ZNF676: variants seen among roughly 807,000 people sequenced by gnomAD.
ZNF676 encodes the protein zinc finger protein 676.
A neutral mutation model predicts 6.0 loss-of-function variants in ZNF676; 4 were observed. The observed-to-expected ratio is 0.67, with a 90% CI of 0.33 to 1.53. The LOEUF (loss-of-function observed/expected upper bound fraction) is 1.53, where lower values mean the gene tolerates loss of function less well. ZNF676 is among the 40% of genes most tolerant of loss of function. The probability of loss-of-function intolerance (pLI) is 0.06; values close to 1 mark genes in which losing one functional copy is unlikely to be tolerated. For synonymous variants in ZNF676, 198 were observed against 223.1 expected, an observed-to-expected ratio of 0.89 and a Z score of 1.00; for missense variants, 644 against 679.7, an observed-to-expected ratio of 0.95 and a Z score of 0.58.
At chr19:22,238,105 T>A in the ZNF676 span, among the ~76,000 whole-genome samples, 1 of 152,252 alleles carries the variant, frequency 6.6e-6, no homozygotes, top group African/African-American at 2.4e-5. Context: ...AGCTTCATTA[T>A]GTTCCTTGGT....
chr19:22,191,967 TGAA>T (rs2144756995), intron 2 of ZNF676, among the ~76,000 whole-genome samples: 1 of 152,298 alleles, frequency 6.6e-6, no homozygotes, highest in South Asian at 2.1e-4. Flanking sequence ...ACACAGCACT[TGAA>T]GTATGTGGAA....
intron 1 of ZNF676, among the ~76,000 whole-genome samples, chr19:22,209,071 C>G (rs2024104368): frequency 1.3e-5 from 2 of 152,154 alleles, no homozygotes. Flanking sequence ...TCAAGACCAG[C>G]CTGGCCAACA....
At chr19:22,253,451 T>C in the ZNF676 span, among the ~76,000 whole-genome samples, 7 of 105,128 alleles carry the variant, frequency 6.7e-5, no homozygotes, top group Admixed American at 2.8e-4. Context: ...TGTGTATATA[T>C]ATATGATAAT....
intron 1 of ZNF676, among the ~76,000 whole-genome samples, chr19:22,206,611 G>A (rs1374876378): frequency 6.6e-6 from 1 of 151,808 alleles, no homozygotes; most frequent in Non-Finnish European, 1.5e-5. Flanking sequence ...GGAGTCAGAG[G>A]TTGCAGTGAA....
rs1187062611 is a variant in ZNF676, at chr19:22,196,661, A to C, written c.-28T>G. ...CATTCCTATATAAATTCTGCTGTGT[A>C]GAATCCAGGCATTGCCACTCCTCCA... On this transcript the variant is annotated 5_prime_UTR_variant, in exon 1 of 3. Coordinates refer to ENST00000397121, the MANE Select transcript of ZNF676 (RefSeq NM_001001411.3). The C allele has an allele frequency of 4.3e-6, 7 of 1,613,628 alleles. No homozygotes were observed. In the Admixed American group the frequency reaches 1.2e-4, roughly 27 times the overall value.
At chr19:22,195,116 T>C (rs554993680) in intron 1 of ZNF676, among the ~76,000 whole-genome samples, 33 of 152,152 alleles carry the variant, frequency 2.2e-4, no homozygotes, top group Non-Finnish European at 4.1e-4. Context: ...AGTGCAATTA[T>C]TGCTTATGCC....
chr19:22,226,175 C>A, the ZNF676 span, among the ~76,000 whole-genome samples: 1 of 151,940 alleles, frequency 6.6e-6, no homozygotes, highest in Non-Finnish European at 1.5e-5. Context: ...AAGATATTAT[C>A]TTTTCTCTAT....
At position 22,184,826 on chromosome 19, in the gene ZNF676, GAAAAAAA is replaced by G. The variant is rs144833243; in HGVS notation, c.131-3247_131-3241del. On this transcript the variant is annotated intron_variant, in intron 2 of 2. Transcript: ENST00000397121. ...CCTCCTCTTTGGGCAGGGCATCTTT[GAAAAAAA>G]AAAAAAAAAAAAAAAAAAAGGCAGC... Among the ~76,000 whole-genome samples the G allele has an allele frequency of 5.2e-3, 276 of 52,688 alleles. 1 individual carries two copies. The highest frequency in any genetic ancestry group is 0.021 in the African/African-American group (265 of 12,572). The allele number at this position is 52,688 out of a possible 152,430, so 34.6% of individuals were successfully genotyped here.
At chr19:22,253,343 T>C in the ZNF676 span, among the ~76,000 whole-genome samples, 24 of 146,662 alleles carry the variant, frequency 1.6e-4, no homozygotes, top group African/African-American at 5.6e-4. Context: ...GATATGTATA[T>C]ATGATAATGG....
At chr19:22,215,649 G>A in exon 1 of ZNF676, 1 of 1,610,478 alleles carries the variant, frequency 6.2e-7, no homozygotes, top group East Asian at 2.2e-5. Flanking sequence ...AGGCTTCCAG[G>A]GGGTCCTGGC....
rs2023696773 is a variant in ZNF676 at position 22,179,553 on chromosome 19, A to T, written c.*397T>A. The T allele has an allele frequency of 2.3e-6, 1 of 438,216 alleles. No homozygotes were observed. The highest frequency in any genetic ancestry group is 2.0e-5 in the African/African-American group (1 of 49,258). The allele number at this position is 438,216 out of a possible 1,614,324, so 27.1% of individuals were successfully genotyped here. A position where few individuals can be genotyped will look rare whatever the true frequency, so the allele number is the denominator to read the frequency against. On this transcript the variant is annotated 3_prime_UTR_variant, in exon 3 of 3. Coordinates refer to ENST00000397121, the MANE Select transcript of ZNF676 (RefSeq NM_001001411.3). The stretch of plus-strand genomic sequence containing the variant: ...TTTGTAGGGTTTCCCTCCTGTATAA[A>T]TTCCCTTATGTTCAGTAAGGGTTGA...
chr19:22,204,765 G>C (rs775855559), intron 1 of ZNF676, among the ~76,000 whole-genome samples: 1 of 151,968 alleles, frequency 6.6e-6, no homozygotes, highest in African/African-American at 2.4e-5. Context: ...AAAGACTAAA[G>C]ATAAAAATAT....
chr19:22,208,078 T>C (rs1205065345), intron 1 of ZNF676, among the ~76,000 whole-genome samples: 3 of 150,490 alleles, frequency 2.0e-5, no homozygotes, highest in Non-Finnish European at 4.4e-5. Context: ...TCAAAAGCAA[T>C]TGCAAAAGTT....
At chr19:22,182,469 G>A (rs1316997941) in intron 2 of ZNF676, among the ~76,000 whole-genome samples, 1 of 150,532 alleles carries the variant, frequency 6.6e-6, no homozygotes, top group Non-Finnish European at 1.5e-5. Flanking sequence ...GAGTGAAGCA[G>A]GAACACAAAA....
chr19:22,200,460 G>A (rs575715910), upstream of ZNF676, among the ~76,000 whole-genome samples: 2 of 148,716 alleles, frequency 1.3e-5, no homozygotes, highest in Admixed American at 6.7e-5. Context: ...CATTTTTCCA[G>A]TTGTTAGTTT....
At chr19:22,229,283 A>G in the ZNF676 span, among the ~76,000 whole-genome samples, 1 of 152,224 alleles carries the variant, frequency 6.6e-6, no homozygotes, top group Non-Finnish European at 1.5e-5. Context: ...TGGTGTTGGG[A>G]AAACTGGCTA....
upstream of ZNF676, among the ~76,000 whole-genome samples, chr19:22,216,748 C>G (rs1018693042): frequency 6.6e-6 from 1 of 151,456 alleles, no homozygotes; most frequent in Non-Finnish European, 1.5e-5. Context: ...CTCAGCCTCC[C>G]GAGTAGCTGG....
chr19:22,240,959 A>G, the ZNF676 span, among the ~76,000 whole-genome samples: 1 of 152,040 alleles, frequency 6.6e-6, no homozygotes, highest in Non-Finnish European at 1.5e-5. Context: ...GAAGTGTAAC[A>G]TCACTTGAGT....
rs940960304 is a variant in ZNF676, at chr19:22,196,462, C to T, written c.34+138G>A. ...TTGTTCACCAGAAGCAAGGAGTCCA[C>T]GACCCCTTCTTCCAAATATACTCTT... On this transcript the variant is annotated intron_variant, in intron 1 of 2. Coordinates refer to ENST00000397121, the MANE Select transcript of ZNF676 (RefSeq NM_001001411.3). 2.0e-5 allele frequency: 30 copies of T among 1,514,000 alleles called. 1 individual carries two copies. Among genetic ancestry groups the T allele is most frequent in the Admixed American group, 1.8e-4 (9 of 51,108 alleles). 93.8% of individuals were successfully genotyped at this position (1,514,000 alleles called of 1,614,324 possible).
Sources: gnomAD v4.1 joint callset for allele counts (sites outside exome capture counted in the v4.1 genomes callset) on GRCh38, gnomAD v4.1.1 for gene constraint, MANE v1.5 for transcripts, NCBI Gene and HGNC (gene_info 2026-07-23, HGNC 2026-07-21) for gene names.